Variants in ATG10 observed in about 807,000 individuals in gnomAD.
ATG10 encodes autophagy related 10.
In ATG10, 30 loss-of-function variants were observed where a neutral mutation model predicts 32.1. The ratio of observed to expected loss-of-function variants is 0.94; its 90% confidence interval spans 0.70 to 1.27. The LOEUF is 1.27. Among genes scored for constraint, ATG10 ranks in the 50% most tolerant of loss-of-function variants. The pLI is 0.00. For synonymous variants in ATG10, 87 were observed against 91.5 expected, an observed-to-expected ratio of 0.95 and a Z score of 0.28; for missense variants, 233 against 262.3, an observed-to-expected ratio of 0.89 and a Z score of 0.77.
intron 5 of ATG10, among the ~76,000 whole-genome samples, chr5:82,181,997 C>G (rs570917062): frequency 1.7e-3 from 261 of 152,244 alleles, no homozygotes; most frequent in African/African-American, 6.1e-3. Flanking sequence ...AGAAAGTTAA[C>G]AGGTACTTAG....
At chr5:82,022,070 TC>T (rs1006403242) in intron 2 of ATG10, among the ~76,000 whole-genome samples, 10 of 147,942 alleles carry the variant, frequency 6.8e-5, no homozygotes, top group Admixed American at 2.0e-4. Flanking sequence ...ATGCCTGTAA[TC>T]CCAGCTGCTC....
At chr5:82,038,882 C>T (rs1232857266) in intron 2 of ATG10, among the ~76,000 whole-genome samples, 1 of 152,208 alleles carries the variant, frequency 6.6e-6, no homozygotes, top group Non-Finnish European at 1.5e-5. Context: ...GAATCTTGCT[C>T]TGTCGCCCAG....
chr5:82,060,597 T>C (rs546012520), intron 3 of ATG10, among the ~76,000 whole-genome samples: 1 of 152,174 alleles, frequency 6.6e-6, no homozygotes, highest in Non-Finnish European at 1.5e-5. Context: ...GTGCGGTGGC[T>C]CAACGCCTGT....
chr5:82,078,534 G>C (rs1764354696), intron 3 of ATG10: 1 of 152,252 alleles, frequency 6.6e-6, no homozygotes, highest in African/African-American at 2.4e-5. Context: ...TCAACTGGGT[G>C]TCTTTGCTAA....
intron 3 of ATG10, among the ~76,000 whole-genome samples, chr5:82,150,673 C>G (rs1561327365): frequency 6.6e-6 from 1 of 152,202 alleles, no homozygotes; most frequent in Non-Finnish European, 1.5e-5. Flanking sequence ...CCATATCCCC[C>G]TTCACACAGT....
chr5:82,249,909 A>T (rs1180179725), intron 5 of ATG10, among the ~76,000 whole-genome samples: 1 of 152,200 alleles, frequency 6.6e-6, no homozygotes, highest in Non-Finnish European at 1.5e-5. Flanking sequence ...TAAGAAAGAG[A>T]TGCCAAAGGG....
chr5:82,106,057 TA>T (rs1765437078), intron 3 of ATG10, among the ~76,000 whole-genome samples: 1 of 152,170 alleles, frequency 6.6e-6, no homozygotes, highest in African/African-American at 2.4e-5. Context: ...TTCTTCTGAC[TA>T]AACTGTTGCA....
chr5:82,149,908 T>C (rs1285651907), intron 3 of ATG10, among the ~76,000 whole-genome samples: 1 of 152,202 alleles, frequency 6.6e-6, no homozygotes, highest in East Asian at 1.9e-4. Flanking sequence ...AGGCTGAGTC[T>C]GACCTTTTGT....
intron 3 of ATG10, among the ~76,000 whole-genome samples, chr5:82,162,001 AAAAAG>A (rs1743368795): frequency 6.6e-6 from 1 of 152,186 alleles, no homozygotes; most frequent in African/African-American, 2.4e-5. Context: ...ATAAAAGTAA[AAAAAG>A]AAAATCCTTT....
At chr5:82,167,576 C>G (rs892443195) in intron 4 of ATG10, among the ~76,000 whole-genome samples, 2 of 152,218 alleles carry the variant, frequency 1.3e-5, no homozygotes, top group Non-Finnish European at 2.9e-5. Context: ...GACCTAAGAC[C>G]CAAACCATCT....
chr5:82,121,857 A>C (rs573048762), intron 3 of ATG10, among the ~76,000 whole-genome samples: 1 of 151,278 alleles, frequency 6.6e-6, no homozygotes, highest in Admixed American at 6.6e-5. Context: ...TGTTGGATTC[A>C]GTTTGCAAGT....
rs576940963 is a variant in ATG10, at chr5:82,159,214, A to G, written c.217-5185A>G. 6.8e-4 allele frequency among the ~76,000 whole-genome samples: 104 copies of G among 152,316 alleles called. 2 individuals are homozygous for G. In the South Asian group the frequency reaches 6.8e-3, roughly 10 times the overall value. On this transcript the variant is annotated intron_variant, in intron 3 of 7. Coordinates refer to ENST00000282185, the MANE Select transcript of ATG10 (RefSeq NM_031482.5). Reference sequence around the variant, plus strand: ...AGTGTCTACAGCATGGATACTCTGGACAAAGGATGATTCACATCCCAGGAA... The same window carrying G: ...AGTGTCTACAGCATGGATACTCTGGGCAAAGGATGATTCACATCCCAGGAA...
chr5:82,177,519 G>A (rs1744078882), intron 4 of ATG10, among the ~76,000 whole-genome samples: 1 of 152,122 alleles, frequency 6.6e-6, no homozygotes, highest in Non-Finnish European at 1.5e-5. Context: ...ACGCCCATAA[G>A]TCTTGAGGGC....
chr5:82,036,392 G>A (rs756057907), intron 2 of ATG10, among the ~76,000 whole-genome samples: 2 of 152,118 alleles, frequency 1.3e-5, no homozygotes, highest in East Asian at 3.9e-4. Context: ...TCAGGAGTTC[G>A]AGATTAGCCT....
At chr5:81,993,336 C>CTTCCTTCCTTCCTTCT (rs1554039310) in intron 2 of ATG10, among the ~76,000 whole-genome samples, 2 of 77,674 alleles carry the variant, frequency 2.6e-5, no homozygotes, top group Admixed American at 1.3e-4. Flanking sequence ...TCCTTCCTTC[C>CTTCCTTCCTTCCTTCT]TTCTTTCTTT....
chr5:82,191,702 G>C (rs1229280970), intron 5 of ATG10, among the ~76,000 whole-genome samples: 1 of 152,082 alleles, frequency 6.6e-6, no homozygotes, highest in African/African-American at 2.4e-5. Flanking sequence ...TTCTCAAAAC[G>C]GTATTGTATT....
At chr5:82,075,621 G>T (rs1358487839) in intron 3 of ATG10, among the ~76,000 whole-genome samples, 1 of 152,026 alleles carries the variant, frequency 6.6e-6, no homozygotes, top group African/African-American at 2.4e-5. Context: ...AATTTTTATT[G>T]AAATATTTTT....
chr5:82,226,302 T>A (rs1421893192), intron 5 of ATG10, among the ~76,000 whole-genome samples: 1 of 152,182 alleles, frequency 6.6e-6, no homozygotes, highest in Admixed American at 6.5e-5. Flanking sequence ...AGAGAGCTGG[T>A]GAATATGCTT....
In ATG10 at chr5:82,163,061, G is replaced by A. The variant is rs542852279; in HGVS notation, c.217-1338G>A. Reference sequence around the variant, plus strand: ...TTATTTTATAATATTAAGAAAGAAAGGAAATTATAAATGCTAAGCAACCCA... The same window carrying A: ...TTATTTTATAATATTAAGAAAGAAAAGAAATTATAAATGCTAAGCAACCCA... On this transcript the variant is annotated intron_variant, in intron 3 of 7. Coordinates refer to ENST00000282185, the MANE Select transcript of ATG10 (RefSeq NM_031482.5). 7.9e-5 allele frequency among the ~76,000 whole-genome samples: 12 copies of A among 151,498 alleles called. No homozygotes were observed. In the South Asian group the frequency reaches 2.5e-3, roughly 32 times the overall value.
Sources: allele counts gnomAD v4.1 joint callset (sites outside exome capture counted in the v4.1 genomes callset), GRCh38; gene constraint gnomAD v4.1.1; transcripts MANE v1.5; gene names NCBI Gene and HGNC (gene_info 2026-07-23, HGNC 2026-07-21).